Variants in RARA observed in about 807,000 individuals in gnomAD.
RARA encodes the protein retinoic acid receptor alpha.
A neutral mutation model predicts 42.8 loss-of-function variants in RARA; 5 were observed. The ratio of observed to expected loss-of-function variants is 0.12; its 90% confidence interval spans 0.06 to 0.25. The LOEUF is 0.25. Among genes scored for constraint, RARA ranks in the 10% least tolerant of loss-of-function variants. RARA has a pLI of 1.00. For missense variants in RARA, 402 were observed against 628.7 expected (o/e 0.64, Z 3.86); for synonymous variants, 256 against 259.5 (o/e 0.99, Z 0.13).
intron 2 of RARA, chr17:40,341,500 C>T (rs902525648): frequency 2.0e-6 from 3 of 1,488,630 alleles, no homozygotes; most frequent in Middle Eastern, 2.0e-4. Context: ...CCCGGCCCTA[C>T]GCCTCCTGCC....
At position 40,351,276 on chromosome 17, in the gene RARA, C is replaced by T. The variant is rs1215433803; in HGVS notation, c.470-634C>T. 5.4e-6 allele frequency: 1 copy of T among 184,126 alleles called. No homozygotes were observed. 11.4% of individuals were successfully genotyped at this position (184,126 alleles called of 1,614,324 possible). A position where few individuals can be genotyped will look rare whatever the true frequency, so the allele number is the denominator to read the frequency against. On this transcript the variant is annotated intron_variant, in intron 4 of 8. Transcript: ENST00000254066. This position sits in a 1 kb window ranked among gnomAD's most constrained non-coding sequence, Gnocchi z 4.1. Reference sequence around the variant, plus strand: ...CCTCCCTTCCTCCCGCGTCAGCAGCCACCACCACCAGCCCTGTGAGTGATT... The same window carrying T: ...CCTCCCTTCCTCCCGCGTCAGCAGCTACCACCACCAGCCCTGTGAGTGATT...
chr17:40,350,027 T>G (rs2034391386), intron 4 of RARA, 102 bp downstream of exon 4: 16 of 1,503,054 alleles, frequency 1.1e-5, no homozygotes. Flanking sequence ...TGCACATGCA[T>G]GAACACGCAT....
Position 40,331,234 on chromosome 17 carries a change from A to C in RARA, c.16A>C (p.Ser6Arg). 2 of 1,612,160 alleles carry C rather than the reference A, an allele frequency of 1.2e-6. No homozygotes were observed. The highest frequency in any genetic ancestry group is 1.7e-4 in the Middle Eastern group (1 of 6,042). ...GCCGCTTGGCATGGCCAGCAACAGC[A>C]GCTCCTGCCCGACACCTGGGGGCGG... The part of the protein sequence containing the change: MASNS[S>R]SCPTPGGGHL... The change falls in exon 2 of 9, where the codon AGC becomes CGC. Residue 6 changes from serine (S) to arginine (R), a missense_variant. Ser to Arg is a moderately radical substitution (Grantham distance 110). Transcript: ENST00000254066.
At chr17:40,311,609 C>CCA (rs2033097273) in intron 1 of RARA, among the ~76,000 whole-genome samples, 1 of 152,188 alleles carries the variant, frequency 6.6e-6, no homozygotes, top group Non-Finnish European at 1.5e-5. Flanking sequence ...TCTGGGGGTG[C>CCA]CACATGTCTG....
intron 2 of RARA, chr17:40,341,801 C>G (rs2034057477): frequency 2.4e-6 from 3 of 1,233,442 alleles, no homozygotes; most frequent in Admixed American, 4.2e-5. Flanking sequence ...AGGGACTGAC[C>G]AAACCTTGGG....
At chr17:40,310,415 A>C (rs1012223846) in intron 1 of RARA, among the ~76,000 whole-genome samples, 1 of 151,774 alleles carries the variant, frequency 6.6e-6, no homozygotes, top group South Asian at 2.1e-4. Flanking sequence ...GTGATAGAAG[A>C]GACTGGTCAC....
At position 40,351,602 on chromosome 17, in the gene RARA, T is replaced by G; in HGVS notation, c.470-308T>G. The G allele has an allele frequency of 2.1e-6, 1 of 486,390 alleles. No homozygotes were observed. Among genetic ancestry groups the G allele is most frequent in the Non-Finnish European group, 4.0e-6 (1 of 252,580 alleles). 30.1% of individuals were successfully genotyped at this position (486,390 alleles called of 1,614,324 possible). A position where few individuals can be genotyped will look rare whatever the true frequency, so the allele number is the denominator to read the frequency against. ...GAGCACCTAGGAGGGCACCGTCGCC[T>G]GGAGTGTGAGCTGGAGTAGACGCGT... On this transcript the variant is annotated intron_variant, in intron 4 of 8. Transcript: ENST00000254066. The surrounding 1 kb of genome is among the most constrained non-coding windows in gnomAD (Gnocchi z 4.1).
In RARA at chr17:40,352,356, C is replaced by G. The variant is rs540062273; in HGVS notation, c.656C>G (p.Ser219Cys). 2 of 1,610,978 alleles carry G rather than the reference C, an allele frequency of 1.2e-6. No homozygotes were observed. Among genetic ancestry groups the G allele is most frequent in the East Asian group, 2.2e-5 (1 of 44,758 alleles). ...TTNNSSEQRV[S>C]LDIDLWDKFS... is the part of the protein sequence containing the mutation. Reference sequence around the variant, plus strand: ...AACAACAGCTCAGAACAACGTGTCTCTCTGGACATTGACCTCTGGGACAAG... The same window carrying G: ...AACAACAGCTCAGAACAACGTGTCTGTCTGGACATTGACCTCTGGGACAAG... Residue 219 changes from serine to cysteine, a missense_variant, in exon 6 of 9, where the codon TCT (serine) becomes TGT (cysteine). Physicochemically the swap from Ser to Cys is moderately radical, Grantham distance 112. Transcript: ENST00000254066. The surrounding 1 kb of genome is among the most constrained non-coding windows in gnomAD (Gnocchi z 4.9).
chr17:40,348,471 T>G lies in RARA; in HGVS notation c.327+7T>G. 6.2e-7 allele frequency: 1 copy of G among 1,611,182 alleles called. No homozygotes were observed. The highest frequency in any genetic ancestry group is 8.5e-7 in the Non-Finnish European group (1 of 1,178,544). On this transcript the variant is annotated splice_region_variant and intron_variant, in intron 3 of 8. Coordinates refer to ENST00000254066, the MANE Select transcript of RARA (RefSeq NM_000964.4). ...CGCCTGTGAGGGCTGCAAGGTGAGT[T>G]GAAGGGGTCATTGGGAAGGACAGCT...
intron 2 of RARA, among the ~76,000 whole-genome samples, chr17:40,340,015 C>G (rs1196156205): frequency 6.6e-6 from 1 of 152,228 alleles, no homozygotes; most frequent in Non-Finnish European, 1.5e-5. Flanking sequence ...ATCCACCTGT[C>G]CAGCAGCCCA....
intron 1 of RARA, among the ~76,000 whole-genome samples, chr17:40,312,525 C>T (rs910548660): frequency 2.4e-4 from 37 of 152,196 alleles, no homozygotes; most frequent in Non-Finnish European, 4.4e-4. Context: ...GCAGGAGGGA[C>T]GTGCAGAAAA....
Position 40,356,697 on chromosome 17 carries a change from C to T in RARA, c.*471C>T. On this transcript the variant is annotated 3_prime_UTR_variant, in exon 9 of 9. Coordinates refer to ENST00000254066, the MANE Select transcript of RARA (RefSeq NM_000964.4). ...GGGCGGGGGGTTCCCCCTGTACATACCCTGCCATACCAACCCCAGGTATTA... is the reference window on the plus strand; with the variant it reads ...GGGCGGGGGGTTCCCCCTGTACATATCCTGCCATACCAACCCCAGGTATTA... 1.8e-6 allele frequency: 1 copy of T among 541,100 alleles called. No homozygotes were observed. The highest frequency in any genetic ancestry group is 3.6e-6 in the Non-Finnish European group (1 of 281,614). The allele number at this position is 541,100 out of a possible 1,614,324, so 33.5% of individuals were successfully genotyped here.
At chr17:40,350,066 A>G in intron 4 of RARA, 141 bp downstream of exon 4, 10 of 1,337,988 alleles carry the variant, frequency 7.5e-6, no homozygotes, top group Non-Finnish European at 1.0e-5. Flanking sequence ...ACGGTTGAGG[A>G]TGGTTTGTGT....
intron 2 of RARA, among the ~76,000 whole-genome samples, chr17:40,343,614 C>G (rs1212408481): frequency 6.6e-6 from 1 of 152,136 alleles, no homozygotes; most frequent in East Asian, 1.9e-4. Flanking sequence ...CCGGTTTGTT[C>G]TCTGGGGAAT....
chr17:40,342,005 T>G, intron 2 of RARA: 5 of 1,089,520 alleles, frequency 4.6e-6, no homozygotes, highest in Non-Finnish European at 5.6e-6. Flanking sequence ...CCTGTCCACA[T>G]GCCGCCTCTC....
rs2034552953 is a variant in RARA, at chr17:40,354,538, C to A, written c.1012+32C>A. On this transcript the variant is annotated intron_variant, in intron 7 of 8. Coordinates refer to ENST00000254066, the MANE Select transcript of RARA (RefSeq NM_000964.4). This position sits in a 1 kb window ranked among gnomAD's most constrained non-coding sequence, Gnocchi z 4.5. ...AGGGGGCCTGGGTCTGGGGGCTGGG[C>A]TGGGACGGGGGTGCAGCCCTGGAGT... 1 of 1,326,074 alleles carries A rather than the reference C, an allele frequency of 7.5e-7. No individual in the cohort carries two copies. Among genetic ancestry groups the A allele is most frequent in the Non-Finnish European group, 1.1e-6 (1 of 945,886 alleles). The allele number at this position is 1,326,074 out of a possible 1,614,324, so 82.1% of individuals were successfully genotyped here.
chr17:40,348,815 G>A lies in RARA; in HGVS notation c.327+351G>A, dbSNP rs138611733. ...GGGGACCCAGGAGGCCTCCCCCGGC[G>A]GCCCTGCCTGAACCTCACCATGGCA... On this transcript the variant is annotated intron_variant, in intron 3 of 8. Transcript: ENST00000254066. 8.3e-5 allele frequency: 16 copies of A among 192,186 alleles called. No homozygotes were observed. The East Asian group carries it at 1.8e-3, about 21-fold the overall frequency. 11.9% of individuals were successfully genotyped at this position (192,186 alleles called of 1,614,324 possible). A position where few individuals can be genotyped will look rare whatever the true frequency, so the allele number is the denominator to read the frequency against.
At chr17:40,344,320 G>T (rs552625843) in intron 2 of RARA, among the ~76,000 whole-genome samples, 1 of 152,226 alleles carries the variant, frequency 6.6e-6, no homozygotes, top group Admixed American at 6.5e-5. Context: ...TATCACCCTT[G>T]ACTTTGGAAG....
At chr17:40,336,963 G>A (rs2033872226) in intron 2 of RARA, among the ~76,000 whole-genome samples, 1 of 152,248 alleles carries the variant, frequency 6.6e-6, no homozygotes, top group African/African-American at 2.4e-5. Flanking sequence ...CTCCTAAAGT[G>A]CTGGGATTAC....
Sources: gnomAD v4.1 joint callset for allele counts (sites outside exome capture counted in the v4.1 genomes callset) on GRCh38, gnomAD v4.1.1 for gene constraint, Gnocchi (gnomAD v3.1) non-coding constraint, MANE v1.5 for transcripts, NCBI Gene and HGNC (gene_info 2026-07-23, HGNC 2026-07-21) for gene names.